MCC: variants seen among roughly 807,000 people sequenced by gnomAD.
MCC encodes colorectal mutant cancer protein.
MCC carries 90 observed loss-of-function variants against 116.2 expected under a neutral mutation model. That is an observed-to-expected ratio of 0.77 (90% CI 0.65 to 0.92). The LOEUF is 0.92. MCC is among the 40% of genes least tolerant of loss of function. The pLI, the probability that MCC is intolerant of heterozygous loss-of-function variation, is 0.00. For missense variants in MCC, 1,516 were observed against 1,312.2 expected (o/e 1.16, Z -2.40); for synonymous variants, 578 against 510.5 (o/e 1.13, Z -1.78).
At chr5:113,146,952 G>A (rs7726679) in intron 4 of MCC, among the ~76,000 whole-genome samples, 68,887 of 151,980 alleles carry the variant, frequency 0.45, 18,983 homozygotes, top group East Asian at 0.66. Context: ...ATAAATTTCT[G>A]GAGGCCATTA....
intron 3 of MCC, among the ~76,000 whole-genome samples, chr5:113,274,052 C>T (rs1051000067): frequency 1.3e-5 from 2 of 152,216 alleles, no homozygotes; most frequent in Admixed American, 1.3e-4. Context: ...AACAGGTAAA[C>T]ATTGTATACC....
intron 2 of MCC, among the ~76,000 whole-genome samples, chr5:113,379,270 C>G (rs1213118703): frequency 6.6e-6 from 1 of 152,182 alleles, no homozygotes; most frequent in African/African-American, 2.4e-5. Context: ...TGCTCTGTGG[C>G]TTACAGCCTC....
In MCC at chr5:113,301,123, T is replaced by C. The variant is rs187709319; in HGVS notation, c.627+39396A>G. 2.0e-3 allele frequency among the ~76,000 whole-genome samples: 311 copies of C among 152,332 alleles called. 1 individual carries two copies. The highest frequency in any genetic ancestry group is 3.1e-3 in the Non-Finnish European group (210 of 68,030). ...TATGGGATGGAAAAGATCCCTGCTT[T>C]CACAGAGCTAGCACTCTTGATGGGA... On this transcript the variant is annotated intron_variant, in intron 3 of 18. Transcript: ENST00000408903.
chr5:113,065,377 A>T (rs1580969630), intron 13 of MCC, among the ~76,000 whole-genome samples: 1 of 152,362 alleles, frequency 6.6e-6, no homozygotes, highest in African/African-American at 2.4e-5. Flanking sequence ...GCCTTAAAAA[A>T]ATAAAACAAA....
At chr5:113,487,443 A>G (rs541495401) in intron 1 of MCC, among the ~76,000 whole-genome samples, 4 of 152,362 alleles carry the variant, frequency 2.6e-5, no homozygotes, top group African/African-American at 9.6e-5. Flanking sequence ...AAGTGACACA[A>G]ATTTGGGCAG....
intron 10 of MCC, 89 bp from the exon 11 acceptor site, chr5:113,083,097 G>T (rs1476701897): frequency 1.6e-5 from 21 of 1,287,412 alleles, no homozygotes; most frequent in African/African-American, 1.5e-5. Flanking sequence ...CTGATATTCC[G>T]TGAGAATCGG....
At chr5:113,098,026 G>A (rs1756141159) in intron 8 of MCC, among the ~76,000 whole-genome samples, 1 of 152,196 alleles carries the variant, frequency 6.6e-6, no homozygotes, top group Non-Finnish European at 1.5e-5. Flanking sequence ...TGAACATGCA[G>A]AAGAATTCTG....
intron 1 of MCC, among the ~76,000 whole-genome samples, chr5:113,472,947 T>C (rs1772133542): frequency 6.6e-6 from 1 of 152,208 alleles, no homozygotes; most frequent in Non-Finnish European, 1.5e-5. Context: ...TCAATGTTGC[T>C]TTAGCATCTA....
chr5:113,287,383 C>T (rs1766305424), intron 3 of MCC, among the ~76,000 whole-genome samples: 2 of 152,168 alleles, frequency 1.3e-5, no homozygotes, highest in African/African-American at 4.8e-5. Flanking sequence ...GGCTGGAGTG[C>T]TGTGGTGCGA....
At chr5:113,431,232 T>C (rs1487418341) in intron 1 of MCC, among the ~76,000 whole-genome samples, 3 of 152,092 alleles carry the variant, frequency 2.0e-5, no homozygotes, top group African/African-American at 4.8e-5. Flanking sequence ...ACCAGATTAG[T>C]TGCATATGGT....
At chr5:113,134,599 G>T (rs1758689182) in intron 5 of MCC, among the ~76,000 whole-genome samples, 2 of 81,274 alleles carry the variant, frequency 2.5e-5, no homozygotes, top group Non-Finnish European at 5.3e-5. Flanking sequence ...AAACATTGTA[G>T]GATTTTTTTT....
intron 5 of MCC, among the ~76,000 whole-genome samples, chr5:113,138,970 G>A (rs139533571): frequency 5.9e-5 from 9 of 152,268 alleles, no homozygotes; most frequent in African/African-American, 2.2e-4. Flanking sequence ...TCATTGTGAT[G>A]ACAAGTAAAG....
rs139133787 is a variant in MCC, at chr5:113,278,309, G to A, written c.627+62210C>T. Among the ~76,000 whole-genome samples the A allele has an allele frequency of 3.1e-3, 468 of 152,270 alleles. 4 individuals are homozygous for A. The highest frequency in any genetic ancestry group is 0.011 in the African/African-American group (449 of 41,550). ...CATGGGACCATGGCATACTTTAAAT[G>A]AAGGCCATTCACTAGAAAGTGAATG... is the stretch of plus-strand genomic sequence containing the variant. On this transcript the variant is annotated intron_variant, in intron 3 of 18. Transcript: ENST00000408903.
At chr5:113,392,806 G>C (rs897607112) in intron 1 of MCC, among the ~76,000 whole-genome samples, 4 of 152,112 alleles carry the variant, frequency 2.6e-5, no homozygotes, top group Non-Finnish European at 5.9e-5. Flanking sequence ...ATATATAAGT[G>C]AGGAAATTGA....
chr5:113,087,275 T>C (rs1196005061), intron 8 of MCC, among the ~76,000 whole-genome samples: 1 of 152,198 alleles, frequency 6.6e-6, no homozygotes, highest in African/African-American at 2.4e-5. Flanking sequence ...GCAAATTGCA[T>C]TCAATAGTGC....
chr5:113,222,441 A>T (rs1041446634), intron 3 of MCC, among the ~76,000 whole-genome samples: 1 of 152,200 alleles, frequency 6.6e-6, no homozygotes, highest in African/African-American at 2.4e-5. Context: ...AAAGTTCCTA[A>T]GTATTCCCTC....
chr5:113,263,964 G>C (rs1290930712), intron 3 of MCC, among the ~76,000 whole-genome samples: 6 of 151,960 alleles, frequency 3.9e-5, no homozygotes, highest in Non-Finnish European at 8.8e-5. Context: ...GGTCAGATTG[G>C]AAACCAAACC....
intron 3 of MCC, among the ~76,000 whole-genome samples, chr5:113,313,165 T>G (rs1166370526): frequency 6.6e-6 from 1 of 152,006 alleles, no homozygotes; most frequent in Non-Finnish European, 1.5e-5. Flanking sequence ...GCCAACATGG[T>G]GAAACCCCGT....
At chr5:113,299,896 C>T (rs1766818183) in intron 3 of MCC, among the ~76,000 whole-genome samples, 1 of 152,166 alleles carries the variant, frequency 6.6e-6, no homozygotes, top group Non-Finnish European at 1.5e-5. Context: ...TTCCTGAGGC[C>T]TTGTCTTCTC....
Sources: gnomAD v4.1 joint callset for allele counts (sites outside exome capture counted in the v4.1 genomes callset) on GRCh38, gnomAD v4.1.1 for gene constraint, MANE v1.5 for transcripts, NCBI Gene and HGNC (gene_info 2026-07-23, HGNC 2026-07-21) for gene names.